HIVEP2: variants seen among roughly 807,000 people sequenced by gnomAD.
HIVEP2 encodes the protein transcription factor HIVEP2.
A neutral mutation model predicts 180.7 loss-of-function variants in HIVEP2; 14 were observed. The ratio of observed to expected loss-of-function variants is 0.08; its 90% CI spans 0.05 to 0.12. HIVEP2 has a LOEUF of 0.12. Ranked by LOEUF, HIVEP2 falls within the 10% of genes least tolerant of loss-of-function variation. The pLI is 1.00. For missense variants in HIVEP2, 2,579 were observed against 3,008.5 expected (o/e 0.86, Z 3.34); for synonymous variants, 1,184 against 1,136.4 (o/e 1.04, Z -0.84).
intron 1 of HIVEP2, among the ~76,000 whole-genome samples, chr6:142,861,987 C>T (rs1202367861): frequency 6.6e-6 from 1 of 152,112 alleles, no homozygotes; most frequent in African/African-American, 2.4e-5. Context: ...ACAACAATGA[C>T]AAAGTGGCAC....
At position 142,768,434 on chromosome 6, in the gene HIVEP2, C is replaced by A. The variant is rs1313923443; in HGVS notation, c.5290G>T (p.Asp1764Tyr). The A allele has an allele frequency of 6.2e-7, 1 of 1,613,334 alleles. No individual in the cohort carries two copies. Among genetic ancestry groups the A allele is most frequent in the Non-Finnish European group, 8.5e-7 (1 of 1,179,604 alleles). ...GGCTCAGTTTGTTTGGATCCAATAT[C>A]TTTATCTCCATGAATATCTCCTTTC... ...RGKGDIHGDK[D>Y]IGSKQTEPIR... The change falls in exon 6 of 10, where the codon GAT (aspartate) becomes TAT (tyrosine). Residue 1764 changes from aspartate (D) to tyrosine (Y), a missense_variant. Asp to Tyr is a radical substitution (Grantham distance 160). Transcript: ENST00000367603.
At chr6:142,782,193 G>T (rs1198403104) in intron 3 of HIVEP2, among the ~76,000 whole-genome samples, 1 of 152,184 alleles carries the variant, frequency 6.6e-6, no homozygotes, top group Non-Finnish European at 1.5e-5. Context: ...TTGAGGATTT[G>T]TGGTTTGACA....
chr6:142,773,185 A>G lies in HIVEP2; in HGVS notation c.1554T>C (p.Leu518=). 1.9e-6 allele frequency: 3 copies of G among 1,614,188 alleles called. No homozygotes were observed. Among genetic ancestry groups the G allele is most frequent in the Non-Finnish European group, 2.5e-6 (3 of 1,180,020 alleles). Residue 518 remains leucine, a synonymous_variant, in exon 5 of 10, where the codon CTT becomes CTC. Coordinates refer to ENST00000367603, the MANE Select transcript of HIVEP2 (RefSeq NM_006734.4). ...IPSSIRNEGK[L]YPANFQGSNP... ...TGCTGCCTTGGAAGTTTGCTGGATA[A>G]AGTTTTCCTTCGTTCCTGATAGATG...
intron 1 of HIVEP2, among the ~76,000 whole-genome samples, chr6:142,928,118 A>G (rs1777858416): frequency 6.6e-6 from 1 of 152,234 alleles, no homozygotes; most frequent in South Asian, 2.1e-4. Context: ...TTCTTGGATT[A>G]TAACAAATGT....
intron 1 of HIVEP2, among the ~76,000 whole-genome samples, chr6:142,889,696 CCTATTGAGAAGGTGCTCAATAAATGGCAG>C (rs1414940332): frequency 6.6e-6 from 1 of 152,138 alleles, no homozygotes; most frequent in Non-Finnish European, 1.5e-5. Context: ...ATAGCTGGCA[CCTATTGAGAAGGTGCTCAATAAATGGCAG>C]CTATTATTAT....
chr6:142,785,339 A>AAG, intron 2 of HIVEP2, among the ~76,000 whole-genome samples: 1 of 130,732 alleles, frequency 7.6e-6, no homozygotes. Context: ...AAAAAAAAAA[A>AAG]AAAAAAAGAA....
At chr6:142,866,231 T>C (rs1776135158) in intron 1 of HIVEP2, among the ~76,000 whole-genome samples, 1 of 152,132 alleles carries the variant, frequency 6.6e-6, no homozygotes, top group Admixed American at 6.6e-5. Context: ...CTCCTTTCCC[T>C]CAACTGTAAA....
intron 2 of HIVEP2, among the ~76,000 whole-genome samples, chr6:142,813,435 A>G (rs1776747512): frequency 6.6e-6 from 1 of 152,192 alleles, no homozygotes; most frequent in African/African-American, 2.4e-5. Flanking sequence ...ATATACATGG[A>G]TGACATACAT....
chr6:142,919,634 C>T (rs1376519895), intron 1 of HIVEP2, among the ~76,000 whole-genome samples: 1 of 152,152 alleles, frequency 6.6e-6, no homozygotes, highest in African/African-American at 2.4e-5. Context: ...TAATTATTCT[C>T]TTACTTGCCT....
intron 1 of HIVEP2, among the ~76,000 whole-genome samples, chr6:142,907,345 G>A (rs1428997075): frequency 6.6e-6 from 1 of 151,806 alleles, no homozygotes; most frequent in Non-Finnish European, 1.5e-5. Flanking sequence ...GCTTTCCCCG[G>A]GTTGTCGCCT....
chr6:142,774,329 T>A lies in HIVEP2; in HGVS notation c.410A>T (p.Asp137Val), dbSNP rs199537572. The A allele has an allele frequency of 1.1e-5, 18 of 1,614,064 alleles. No individual in the cohort carries two copies. The highest frequency in any genetic ancestry group is 1.5e-5 in the Non-Finnish European group (18 of 1,180,006). The change falls in exon 5 of 10, where the codon GAC (aspartate) becomes GTC (valine). Residue 137 changes from aspartate (D) to valine (V), a missense_variant. Around this residue, in one of 11 missense-constraint regions of HIVEP2, gnomAD observed 207 missense variants for 210.1 expected, o/e 0.99. Coordinates refer to ENST00000367603, the MANE Select transcript of HIVEP2 (RefSeq NM_006734.4). The surrounding 1 kb of genome is among the most constrained non-coding windows in gnomAD (Gnocchi z 5.1). ...PGPLPSVASE[D>V]LFPFPIHGHS... ...GCCATGTATAGGAAAAGGAAATAAG[T>A]CCTCAGAGGCAACGGATGGCAAAGG...
chr6:142,794,808 G>GA (rs1272085400), intron 2 of HIVEP2, among the ~76,000 whole-genome samples: 3 of 152,190 alleles, frequency 2.0e-5, no homozygotes, highest in African/African-American at 7.2e-5. Context: ...TTCAGATTTA[G>GA]AAACATGTAC....
Position 142,770,986 on chromosome 6 carries a change from G to A in HIVEP2, c.3753C>T (p.Ile1251=), listed in dbSNP as rs754813673. The change falls in exon 5 of 10, where the codon ATC becomes ATT. Residue 1251 remains isoleucine, a synonymous_variant. Transcript: ENST00000367603. This position sits in a 1 kb window ranked among gnomAD's most constrained non-coding sequence, Gnocchi z 4.7. ...SYGKPSFQTE[I]HSSYPLEHVA... ...CATGCTCTAAGGGATAGCTCGAATG[G>A]ATTTCTGTCTGAAAAGAGGGCTTGC... The A allele has an allele frequency of 6.2e-7, 1 of 1,614,194 alleles. No individual in the cohort carries two copies. The highest frequency in any genetic ancestry group is 8.5e-7 in the Non-Finnish European group (1 of 1,180,026).
chr6:142,855,262 C>T (rs1044285446), intron 1 of HIVEP2, among the ~76,000 whole-genome samples: 13 of 152,158 alleles, frequency 8.5e-5, no homozygotes, highest in Admixed American at 5.9e-4. Context: ...GCTTGATAGG[C>T]GAAGTCTCCA....
chr6:142,815,737 T>C (rs2114809735), intron 2 of HIVEP2, among the ~76,000 whole-genome samples: 1 of 152,358 alleles, frequency 6.6e-6, no homozygotes. Flanking sequence ...CATGGTCTTG[T>C]TTAATTCTAG....
At chr6:142,926,494 T>A (rs1777813730) in intron 1 of HIVEP2, among the ~76,000 whole-genome samples, 1 of 152,218 alleles carries the variant, frequency 6.6e-6, no homozygotes, top group African/African-American at 2.4e-5. Flanking sequence ...CAAGGTTTCC[T>A]GTGAGGGCTT....
chr6:142,918,106 T>C (rs1176793918), intron 1 of HIVEP2, among the ~76,000 whole-genome samples: 2 of 152,034 alleles, frequency 1.3e-5, no homozygotes, highest in Non-Finnish European at 2.9e-5. Context: ...ATGTGAGCCA[T>C]GAAATGAAAC....
intron 1 of HIVEP2, among the ~76,000 whole-genome samples, chr6:142,892,986 A>G (rs928690410): frequency 6.6e-6 from 1 of 152,232 alleles, no homozygotes. Flanking sequence ...GGATGGGTGC[A>G]AGCCCCTTCC....
chr6:142,932,422 G>A (rs577227688), intron 1 of HIVEP2, among the ~76,000 whole-genome samples: 2 of 152,246 alleles, frequency 1.3e-5, no homozygotes, highest in South Asian at 2.1e-4. Context: ...GTAAGAGGCT[G>A]TCTTCTGGAA....
Sources: gnomAD v4.1 joint callset for allele counts (sites outside exome capture counted in the v4.1 genomes callset) on GRCh38, gnomAD v4.1.1 for gene constraint, gnomAD v4.1.1 regional missense constraint, Gnocchi (gnomAD v3.1) non-coding constraint, MANE v1.5 for transcripts, NCBI Gene and HGNC (gene_info 2026-07-23, HGNC 2026-07-21) for gene names.